FREM2: variants seen among roughly 807,000 people sequenced by gnomAD.
FREM2 encodes the protein FRAS1 related extracellular matrix 2, also known as FRAS1-related extracellular matrix protein 2.
FREM2 carries 119 observed loss-of-function variants against 219.9 expected under a neutral mutation model. The observed-to-expected ratio is 0.54, with a 90% CI of 0.47 to 0.63. The LOEUF (loss-of-function observed/expected upper bound fraction) is 0.63, where lower values mean the gene tolerates loss of function less well. Ranked by LOEUF, FREM2 falls within the 30% of genes least tolerant of loss-of-function variation. FREM2 has a pLI of 0.00. For missense variants in FREM2, 4,030 were observed against 3,993.6 expected (o/e 1.01, Z -0.25); for synonymous variants, 1,562 against 1,522.8 (o/e 1.03, Z -0.60).
chr13:38,808,322 T>G (rs1167995459), intron 6 of FREM2, among the ~76,000 whole-genome samples: 3 of 152,132 alleles, frequency 2.0e-5, no homozygotes, highest in Non-Finnish European at 4.4e-5. Context: ...TTTCGCTTTC[T>G]TATCATTTGT....
At chr13:38,752,906 G>A (rs558045384) in intron 2 of FREM2, among the ~76,000 whole-genome samples, 1 of 152,130 alleles carries the variant, frequency 6.6e-6, no homozygotes, top group African/African-American at 2.4e-5. Flanking sequence ...CCTTTGGGGT[G>A]CGGGGAGAAG....
rs984573239 is a variant in FREM2, at chr13:38,687,319, C to A, written c.-26C>A. The A allele has an allele frequency of 1.9e-6, 3 of 1,579,794 alleles. No homozygotes were observed. The highest frequency in any genetic ancestry group is 2.6e-6 in the Non-Finnish European group (3 of 1,162,880). On this transcript the variant is annotated 5_prime_UTR_variant, in exon 1 of 24. Coordinates refer to ENST00000280481, the MANE Select transcript of FREM2 (RefSeq NM_207361.6). ...CCGACTTCGCATGCTCTCAGGCTGA[C>A]CTGTCCAAGCCCGAACACCGGGACC... is the stretch of plus-strand genomic sequence containing the variant.
At chr13:38,875,585 T>A (rs1235784321) in intron 18 of FREM2, among the ~76,000 whole-genome samples, 3 of 152,218 alleles carry the variant, frequency 2.0e-5, no homozygotes, top group African/African-American at 7.2e-5. Context: ...TCAGACTCCA[T>A]TCATAAATTG....
intron 6 of FREM2, among the ~76,000 whole-genome samples, chr13:38,801,506 C>T (rs576515425): frequency 4.9e-4 from 74 of 152,074 alleles, no homozygotes; most frequent in African/African-American, 1.6e-3. Context: ...TTTTTATTGA[C>T]GATCTATATA....
chr13:38,842,023 G>A (rs1876982293), intron 6 of FREM2, among the ~76,000 whole-genome samples: 2 of 152,158 alleles, frequency 1.3e-5, no homozygotes. Flanking sequence ...CTCAACAGAG[G>A]CCTGGAAGAT....
At chr13:38,722,414 G>A (rs1027612531) in intron 2 of FREM2, among the ~76,000 whole-genome samples, 1 of 151,896 alleles carries the variant, frequency 6.6e-6, no homozygotes, top group Non-Finnish European at 1.5e-5. Flanking sequence ...TAATTTGCAG[G>A]CAAGACTGAA....
chr13:38,746,890 T>C (rs559434896), intron 2 of FREM2, among the ~76,000 whole-genome samples: 10 of 150,548 alleles, frequency 6.6e-5, no homozygotes, highest in Admixed American at 4.0e-4. Context: ...AGAGACAACC[T>C]TTGGCGATTT....
rs191220159 is a variant in FREM2 at position 38,704,420 on chromosome 13, G to A, written c.5263+6633G>A. ...TGTCAGGAAAGGCACCTGAAAGGTG[G>A]TATTTAAGTATAGACTTAGGACAGG... On this transcript the variant is annotated intron_variant, in intron 2 of 23. Transcript: ENST00000280481. 1.9e-3 allele frequency among the ~76,000 whole-genome samples: 295 copies of A among 152,322 alleles called. 1 individual carries two copies. Among genetic ancestry groups the A allele is most frequent in the Non-Finnish European group, 3.4e-3 (231 of 68,026 alleles).
At chr13:38,875,429 G>T (rs183648021) in intron 18 of FREM2, among the ~76,000 whole-genome samples, 6 of 152,232 alleles carry the variant, frequency 3.9e-5, no homozygotes, top group African/African-American at 1.4e-4. Context: ...AAGAAAGAAA[G>T]AACCCAAAAA....
chr13:38,725,421 T>G (rs1398465264), intron 2 of FREM2, among the ~76,000 whole-genome samples: 3 of 152,100 alleles, frequency 2.0e-5, no homozygotes, highest in Non-Finnish European at 4.4e-5. Flanking sequence ...TGAATAAATG[T>G]AGAGGAGGCT....
At position 38,769,558 on chromosome 13, in the gene FREM2, G is replaced by A; in HGVS notation, c.5411-20G>A. 6.3e-7 allele frequency: 1 copy of A among 1,575,960 alleles called. No homozygotes were observed. The highest frequency in any genetic ancestry group is 8.7e-7 in the Non-Finnish European group (1 of 1,146,318). The stretch of plus-strand genomic sequence containing the variant: ...CAAGCGAAAATGAAACTAAGAAAAT[G>A]ATATTATGTTTTTGTGAAGGTATTG... On this transcript the variant is annotated intron_variant, in intron 3 of 23. Transcript: ENST00000280481.
intron 15 of FREM2, 40 bp downstream of exon 15, chr13:38,861,602 G>T (rs771713692): frequency 2.5e-6 from 4 of 1,607,778 alleles, no homozygotes; most frequent in Non-Finnish European, 3.4e-6. Flanking sequence ...AATTGTTTTG[G>T]ACTCCTCATT....
At chr13:38,728,922 G>A (rs1286453516) in intron 2 of FREM2, among the ~76,000 whole-genome samples, 4 of 152,106 alleles carry the variant, frequency 2.6e-5, no homozygotes, top group African/African-American at 4.8e-5. Context: ...CACAACCTCC[G>A]CCTCCTGGGA....
Position 38,697,776 on chromosome 13 carries a change from T to C in FREM2, c.5252T>C (p.Val1751Ala). Residue 1751 changes from valine (V) to alanine (A), a missense_variant, in exon 2 of 24, where the codon GTT becomes GCT. Physicochemically the swap from Val to Ala is moderately conservative, Grantham distance 64 (BLOSUM62 0). Coordinates refer to ENST00000280481, the MANE Select transcript of FREM2 (RefSeq NM_207361.6). Reference sequence around the variant, plus strand: ...ACAAGTGATATGTTCTATTTTGCAGTTGAAGATGGTGGTAAGTATTCCCCT... The same window carrying C: ...ACAAGTGATATGTTCTATTTTGCAGCTGAAGATGGTGGTAAGTATTCCCCT... ...NATSDMFYFA[V>A]EDGGGNKLTY... is the part of the protein sequence containing the mutation. 1 of 1,596,292 alleles carries C rather than the reference T, an allele frequency of 6.3e-7. No individual in the cohort carries two copies. Among genetic ancestry groups the C allele is most frequent in the Non-Finnish European group, 8.6e-7 (1 of 1,163,758 alleles).
At position 38,880,398 on chromosome 13, in the gene FREM2, G is replaced by A; in HGVS notation, c.9121G>A (p.Gly3041Arg). 6.2e-7 allele frequency: 1 copy of A among 1,614,088 alleles called. No individual in the cohort carries two copies. ...GGAGTACCATTCTCTGGTGAGTCAA[G>A]GAAAGCCCCAATCCACCACCAAGAG... Reference protein sequence around the residue: ...SVEYHSLVSQGKPQSTTKSRK... With the variant: ...SVEYHSLVSQRKPQSTTKSRK... The change falls in exon 24 of 24, where the codon GGA (glycine) becomes AGA (arginine). Residue 3041 changes from glycine to arginine, a missense_variant. By Grantham distance (125) the Gly-to-Arg change is moderately radical (BLOSUM62 -2). Coordinates refer to ENST00000280481, the MANE Select transcript of FREM2 (RefSeq NM_207361.6).
intron 4 of FREM2, among the ~76,000 whole-genome samples, chr13:38,775,888 G>T (rs1873851636): frequency 6.6e-6 from 1 of 152,068 alleles, no homozygotes. Flanking sequence ...CAAAGTGCTG[G>T]GACTATAGGT....
intron 2 of FREM2, among the ~76,000 whole-genome samples, chr13:38,703,695 C>T (rs1352830756): frequency 1.3e-5 from 2 of 152,084 alleles, no homozygotes; most frequent in East Asian, 3.8e-4. Flanking sequence ...AAAAGTAAAA[C>T]TCAATTTTAT....
intron 2 of FREM2, among the ~76,000 whole-genome samples, chr13:38,712,650 TCA>T (rs58097045): frequency 0.26 from 38,444 of 148,708 alleles, 5,010 homozygotes; most frequent in South Asian, 0.42. Flanking sequence ...TTTCTCTCTC[TCA>T]CACACACACA....
chr13:38,844,085 T>C (rs967640978), intron 6 of FREM2, among the ~76,000 whole-genome samples: 13 of 152,192 alleles, frequency 8.5e-5, no homozygotes, highest in African/African-American at 3.1e-4. Context: ...TAATTAACTT[T>C]TCTAACTCCT....
Sources: gnomAD v4.1 joint callset for allele counts (sites outside exome capture counted in the v4.1 genomes callset) on GRCh38, gnomAD v4.1.1 for gene constraint, MANE v1.5 for transcripts, NCBI Gene and HGNC (gene_info 2026-07-23, HGNC 2026-07-21) for gene names.